The following HRH1 variants were observed in gnomAD, a reference collection of about 807,000 sequenced individuals.
HRH1 encodes histamine H1 receptor.
Under a neutral mutation model 10.3 loss-of-function variants are expected in HRH1, and 6 were observed. The observed-to-expected ratio is 0.58, with a 90% CI of 0.32 to 1.15. The LOEUF is 1.15. Among genes scored for constraint, HRH1 ranks in the 50% most tolerant of loss-of-function variants. The pLI is 0.05. For synonymous variants in HRH1, 242 were observed against 236.7 expected (o/e 1.02, Z -0.21); for missense variants, 514 against 615.3 (o/e 0.84, Z 1.74).
intron 1 of HRH1, among the ~76,000 whole-genome samples, chr3:11,191,967 A>T (rs1937542080): frequency 6.6e-6 from 1 of 152,188 alleles, no homozygotes. Context: ...TTATGGGGAA[A>T]AGAGGCCCAT....
chr3:11,169,980 G>C (rs561170124), intron 1 of HRH1, among the ~76,000 whole-genome samples: 1 of 152,262 alleles, frequency 6.6e-6, no homozygotes, highest in African/African-American at 2.4e-5. Flanking sequence ...CCTCCCCACA[G>C]TGTGCGACCC....
At chr3:11,230,604 C>G (rs1316706222) in intron 1 of HRH1, among the ~76,000 whole-genome samples, 1 of 152,184 alleles carries the variant, frequency 6.6e-6, no homozygotes, top group Admixed American at 6.5e-5. Flanking sequence ...GATGCAGAAT[C>G]TCTGGCCCTA....
intron 1 of HRH1, among the ~76,000 whole-genome samples, chr3:11,192,766 G>A (rs1937570858): frequency 6.6e-6 from 1 of 152,108 alleles, no homozygotes; most frequent in African/African-American, 2.4e-5. Context: ...AGGTCTCCAA[G>A]TATCATCATC....
chr3:11,163,614 C>T (rs532186005), intron 1 of HRH1, among the ~76,000 whole-genome samples: 1 of 152,286 alleles, frequency 6.6e-6, no homozygotes, highest in Non-Finnish European at 1.5e-5. Context: ...GGTTGTGAGG[C>T]CTCACCCCTA....
In HRH1 at chr3:11,242,454, C is replaced by G. The variant is rs571054336; in HGVS notation, c.-35-16549C>G. Among the ~76,000 whole-genome samples, 7 of 127,436 alleles carry G rather than the reference C, an allele frequency of 5.5e-5. No individual in the cohort carries two copies. The South Asian group carries it at 1.8e-3, about 33-fold the overall frequency. 83.6% of individuals were successfully genotyped at this position (127,436 alleles called of 152,430 possible). On this transcript the variant is annotated intron_variant, in intron 1 of 1. Coordinates refer to ENST00000431010, the MANE Select transcript of HRH1 (RefSeq NM_001098212.2). ...CAAGATCATGCCACTGCACTCCAGC[C>G]TGGGCAACAGAGCCAGACTCCGTCT...
intron 1 of HRH1, among the ~76,000 whole-genome samples, chr3:11,170,018 A>G (rs1937122168): frequency 6.6e-6 from 1 of 152,266 alleles, no homozygotes; most frequent in East Asian, 1.9e-4. Context: ...CTCGCTAGGA[A>G]TGCAGATTCC....
intron 1 of HRH1, among the ~76,000 whole-genome samples, chr3:11,181,309 T>A (rs1350502016): frequency 4.6e-5 from 7 of 152,062 alleles, no homozygotes; most frequent in Non-Finnish European, 7.4e-5. Flanking sequence ...ATAAAATATA[T>A]ATACACATAC....
chr3:11,226,841 G>A (rs1180821731), intron 1 of HRH1, among the ~76,000 whole-genome samples: 1 of 150,070 alleles, frequency 6.7e-6, no homozygotes, highest in African/African-American at 2.5e-5. Context: ...GAGCCGAGAT[G>A]GCACCATTGC....
At chr3:11,139,949 TA>T (rs1936259749) in intron 1 of HRH1, among the ~76,000 whole-genome samples, 1 of 152,232 alleles carries the variant, frequency 6.6e-6, no homozygotes, top group South Asian at 2.1e-4. Context: ...CTTTATACTT[TA>T]AAGTGGTTTA....
intron 1 of HRH1, among the ~76,000 whole-genome samples, chr3:11,220,973 AG>A (rs1277746056): frequency 6.6e-6 from 1 of 152,210 alleles, no homozygotes; most frequent in Non-Finnish European, 1.5e-5. Flanking sequence ...TGAGATGAGA[AG>A]GAGAAATCAA....
chr3:11,233,711 C>G (rs1225948728), intron 1 of HRH1, among the ~76,000 whole-genome samples: 1 of 152,142 alleles, frequency 6.6e-6, no homozygotes, highest in Non-Finnish European at 1.5e-5. Context: ...ACATGGAAAC[C>G]AAAATGTATC....
chr3:11,234,436 G>C (rs1939120124), intron 1 of HRH1: 14 of 1,602,620 alleles, frequency 8.7e-6, no homozygotes, highest in Middle Eastern at 1.6e-4. Flanking sequence ...CTGACCCCTT[G>C]ATCTCCTCCG....
At chr3:11,253,404 CA>C (rs1464689919) in intron 1 of HRH1, among the ~76,000 whole-genome samples, 1 of 152,158 alleles carries the variant, frequency 6.6e-6, no homozygotes, top group Non-Finnish European at 1.5e-5. Context: ...ACATTTGAAA[CA>C]TTTGTTCTGT....
At chr3:11,235,671 G>A (rs1384721557) in intron 1 of HRH1, among the ~76,000 whole-genome samples, 1 of 152,188 alleles carries the variant, frequency 6.6e-6, no homozygotes, top group Admixed American at 6.5e-5. Context: ...TGGCGGGGAC[G>A]CCACCCCAGC....
chr3:11,210,301 G>A (rs1431657121), intron 1 of HRH1, among the ~76,000 whole-genome samples: 1 of 152,158 alleles, frequency 6.6e-6, no homozygotes, highest in East Asian at 1.9e-4. Flanking sequence ...TGCTGAGATG[G>A]GAGAGTTGCT....
At chr3:11,138,273 C>T (rs984664937) in intron 1 of HRH1, among the ~76,000 whole-genome samples, 5 of 151,582 alleles carry the variant, frequency 3.3e-5, no homozygotes, top group Non-Finnish European at 7.4e-5. Context: ...CTGCCCGCCT[C>T]GGCCTCCCAA....
intron 1 of HRH1, among the ~76,000 whole-genome samples, chr3:11,257,567 A>C (rs1308359327): frequency 6.6e-6 from 1 of 152,104 alleles, no homozygotes; most frequent in Non-Finnish European, 1.5e-5. Context: ...CTCAAAAAAA[A>C]AAAAAAAATC....
intron 1 of HRH1, chr3:11,234,204 C>A (rs1939114293): frequency 1.6e-6 from 2 of 1,216,284 alleles, no homozygotes; most frequent in Non-Finnish European, 2.3e-6. Context: ...AGGTCTTTTG[C>A]AAAAGGTCCA....
chr3:11,257,997 C>T (rs1406403208), intron 1 of HRH1, among the ~76,000 whole-genome samples: 1 of 152,132 alleles, frequency 6.6e-6, no homozygotes, highest in African/African-American at 2.4e-5. Flanking sequence ...GGTCTTGTTA[C>T]ATATTACTTG....
Sources: allele counts gnomAD v4.1 joint callset (sites outside exome capture counted in the v4.1 genomes callset), GRCh38; gene constraint gnomAD v4.1.1; transcripts MANE v1.5; gene names NCBI Gene and HGNC (gene_info 2026-07-23, HGNC 2026-07-21).